The following NELL1 variants were observed in gnomAD, a reference collection of about 807,000 sequenced individuals.
NELL1 encodes neural EGFL like 1.
In NELL1, 76 loss-of-function variants were observed where a neutral mutation model predicts 107.4. That is an observed-to-expected ratio of 0.71 (90% CI 0.59 to 0.86). The LOEUF is 0.86. Ranked by LOEUF, NELL1 falls within the 40% of genes least tolerant of loss-of-function variation. The pLI is 0.00. For missense variants in NELL1, 1,024 were observed against 1,005.5 expected, an observed-to-expected ratio of 1.02 and a Z score of -0.25; for synonymous variants, 353 against 341.2, an observed-to-expected ratio of 1.03 and a Z score of -0.38.
intron 2 of NELL1, among the ~76,000 whole-genome samples, chr11:20,717,464 A>G (rs1855279417): frequency 6.6e-6 from 1 of 152,060 alleles, no homozygotes; most frequent in Admixed American, 6.5e-5. Flanking sequence ...CCTTTACACA[A>G]GGAACTTTAC....
intron 12 of NELL1, among the ~76,000 whole-genome samples, chr11:21,094,591 A>G (rs548413298): frequency 3.1e-4 from 47 of 152,320 alleles, no homozygotes; most frequent in African/African-American, 1.0e-3. Flanking sequence ...AGGCATTTCC[A>G]TACATCTTAT....
At chr11:20,808,245 C>T (rs913837627) in intron 3 of NELL1, among the ~76,000 whole-genome samples, 6 of 152,032 alleles carry the variant, frequency 3.9e-5, no homozygotes, top group African/African-American at 9.7e-5. Flanking sequence ...TGCCTGGATT[C>T]GGTCCTTTAT....
chr11:21,225,397 A>G (rs1222022749), intron 13 of NELL1, among the ~76,000 whole-genome samples: 1 of 152,184 alleles, frequency 6.6e-6, no homozygotes, highest in Non-Finnish European at 1.5e-5. Flanking sequence ...TGGTGAGAAT[A>G]TGGCTGCTGG....
chr11:21,007,408 CACACAG>C (rs908997188), intron 12 of NELL1, among the ~76,000 whole-genome samples: 7 of 152,132 alleles, frequency 4.6e-5, no homozygotes, highest in Middle Eastern at 3.4e-3. Context: ...CACACACACA[CACACAG>C]ACAGACACGC....
At chr11:21,090,511 T>C (rs543989760) in intron 12 of NELL1, among the ~76,000 whole-genome samples, 1 of 152,102 alleles carries the variant, frequency 6.6e-6, no homozygotes, top group South Asian at 2.1e-4. Flanking sequence ...GGGTCAGGGG[T>C]TTGAGATTTG....
At chr11:21,230,759 G>T (rs1451030338) in intron 14 of NELL1, among the ~76,000 whole-genome samples, 1 of 152,174 alleles carries the variant, frequency 6.6e-6, no homozygotes, top group African/African-American at 2.4e-5. Context: ...GTTGGTTAAG[G>T]TGAGGTAAGC....
At chr11:20,749,563 C>T (rs370015282) in intron 2 of NELL1, among the ~76,000 whole-genome samples, 1 of 151,952 alleles carries the variant, frequency 6.6e-6, no homozygotes, top group East Asian at 1.9e-4. Flanking sequence ...TTCATGCCAC[C>T]ACGCTTCAGC....
chr11:20,988,908 C>T (rs958113968), intron 12 of NELL1, among the ~76,000 whole-genome samples: 1 of 151,994 alleles, frequency 6.6e-6, no homozygotes, highest in African/African-American at 2.4e-5. Flanking sequence ...ATTTTCTCAC[C>T]TTGGTACCAA....
chr11:21,454,609 A>G (rs1217405797), intron 15 of NELL1, among the ~76,000 whole-genome samples: 1 of 152,230 alleles, frequency 6.6e-6, no homozygotes, highest in African/African-American at 2.4e-5. Context: ...GGGCTGCTGT[A>G]ACAAAATACC....
chr11:21,357,120 G>T (rs115038066), intron 14 of NELL1, among the ~76,000 whole-genome samples: 134 of 152,256 alleles, frequency 8.8e-4, no homozygotes, highest in African/African-American at 3.0e-3. Context: ...ACATGTGTGC[G>T]CAGGTGTCTT....
chr11:21,040,517 T>A (rs1401021225), intron 12 of NELL1, among the ~76,000 whole-genome samples: 1 of 152,186 alleles, frequency 6.6e-6, no homozygotes, highest in Non-Finnish European at 1.5e-5. Flanking sequence ...CTTTAAGTCA[T>A]GGATTTGTTG....
chr11:21,089,374 T>C (rs547629623), intron 12 of NELL1, among the ~76,000 whole-genome samples: 2 of 152,318 alleles, frequency 1.3e-5, no homozygotes, highest in Non-Finnish European at 2.9e-5. Flanking sequence ...TTACATAAAA[T>C]TATCAATTAG....
intron 13 of NELL1, among the ~76,000 whole-genome samples, chr11:21,201,972 G>A (rs1013997928): frequency 2.0e-5 from 3 of 152,204 alleles, no homozygotes; most frequent in Non-Finnish European, 4.4e-5. Context: ...TCCCAGGGGT[G>A]AAGCCGACTT....
chr11:20,713,464 G>A (rs1308105766), intron 2 of NELL1, among the ~76,000 whole-genome samples: 1 of 152,138 alleles, frequency 6.6e-6, no homozygotes, highest in Non-Finnish European at 1.5e-5. Flanking sequence ...AGCTGGTAGT[G>A]AAAGGTCTCA....
At chr11:20,835,132 T>G (rs1848511173) in intron 3 of NELL1, among the ~76,000 whole-genome samples, 1 of 152,232 alleles carries the variant, frequency 6.6e-6, no homozygotes, top group African/African-American at 2.4e-5. Context: ...CTTACCCATC[T>G]CACTCCAGTT....
chr11:21,423,773 A>AC (rs1852752780), intron 15 of NELL1, among the ~76,000 whole-genome samples: 1 of 152,204 alleles, frequency 6.6e-6, no homozygotes, highest in African/African-American at 2.4e-5. Flanking sequence ...TATACAGTGT[A>AC]TTTTTCCCGT....
At chr11:21,499,891 T>C (rs961848697) in intron 15 of NELL1, among the ~76,000 whole-genome samples, 15 of 152,098 alleles carry the variant, frequency 9.9e-5, no homozygotes, top group Non-Finnish European at 1.6e-4. Context: ...TAAGAGTATA[T>C]GTCAACAACT....
At chr11:20,799,541 C>A (rs1207428087) in intron 3 of NELL1, among the ~76,000 whole-genome samples, 1 of 152,074 alleles carries the variant, frequency 6.6e-6, no homozygotes, top group Non-Finnish European at 1.5e-5. Context: ...TTCTCCTTTC[C>A]CCCTTCTTAT....
At chr11:20,919,411 T>C (rs1850329667) in intron 7 of NELL1, 77 bp downstream of exon 7, 1 of 901,316 alleles carries the variant, frequency 1.1e-6, no homozygotes, top group Admixed American at 2.2e-5. Flanking sequence ...TATGTTATAA[T>C]GGAAACATTT....
Sources: allele counts gnomAD v4.1 joint callset (sites outside exome capture counted in the v4.1 genomes callset), GRCh38; gene constraint gnomAD v4.1.1; transcripts MANE v1.5; gene names NCBI Gene and HGNC (gene_info 2026-07-23, HGNC 2026-07-21).